The following PLCB1 variants were observed in gnomAD, a reference collection of about 807,000 sequenced individuals.
PLCB1 encodes the protein phospholipase C beta 1, also known as 1-phosphatidylinositol 4,5-bisphosphate phosphodiesterase beta-1.
Under a neutral mutation model 161.8 loss-of-function variants are expected in PLCB1, and 46 were observed. That is an observed-to-expected ratio of 0.28 (90% CI 0.22 to 0.36). The LOEUF (loss-of-function observed/expected upper bound fraction) is 0.36. Ranked by LOEUF, PLCB1 falls within the 10% of genes least tolerant of loss-of-function variation. The probability of loss-of-function intolerance (pLI) is 1.00; values close to 1 mark genes in which losing one functional copy is unlikely to be tolerated. For synonymous variants in PLCB1, 517 were observed against 503.7 expected, an observed-to-expected ratio of 1.03 and a Z score of -0.35; for missense variants, 1,016 against 1,472.5, an observed-to-expected ratio of 0.69 and a Z score of 5.07.
At chr20:8,707,583 A>T (rs1978757364) in intron 11 of PLCB1, among the ~76,000 whole-genome samples, 1 of 152,198 alleles carries the variant, frequency 6.6e-6, no homozygotes, top group African/African-American at 2.4e-5. Flanking sequence ...AGTGAAAAGT[A>T]ATTTGAAATA....
At chr20:8,187,823 GC>G (rs2051922131) in intron 2 of PLCB1, among the ~76,000 whole-genome samples, 1 of 152,116 alleles carries the variant, frequency 6.6e-6, no homozygotes, top group South Asian at 2.1e-4. Flanking sequence ...ATCTATGAGT[GC>G]ATAGGACCAC....
At chr20:8,592,166 T>C (rs1358895486) in intron 3 of PLCB1, among the ~76,000 whole-genome samples, 1 of 152,244 alleles carries the variant, frequency 6.6e-6, no homozygotes, top group Non-Finnish European at 1.5e-5. Context: ...GGCCAATCTT[T>C]GACCACTATC....
intron 3 of PLCB1, among the ~76,000 whole-genome samples, chr20:8,384,648 T>A (rs708924): frequency 0.49 from 73,993 of 151,854 alleles, 18,146 homozygotes; most frequent in South Asian, 0.57. Flanking sequence ...TTCTTTCTCG[T>A]CTTTATGAGT....
chr20:8,614,864 C>T (rs1231704970), intron 3 of PLCB1, among the ~76,000 whole-genome samples: 1 of 151,986 alleles, frequency 6.6e-6, no homozygotes, highest in Non-Finnish European at 1.5e-5. Context: ...AGATGTTCTC[C>T]ACCATGTTTT....
intron 3 of PLCB1, among the ~76,000 whole-genome samples, chr20:8,409,447 A>T (rs974301397): frequency 5.9e-5 from 8 of 135,056 alleles, no homozygotes; most frequent in Admixed American, 2.9e-4. Context: ...TATTATTTTT[A>T]TTATTATTAT....
At chr20:8,647,292 T>C (rs562940373) in intron 5 of PLCB1, among the ~76,000 whole-genome samples, 2 of 152,364 alleles carry the variant, frequency 1.3e-5, no homozygotes, top group African/African-American at 4.8e-5. Flanking sequence ...ACATGTTTTA[T>C]CTGAAACATA....
At chr20:8,282,962 C>T (rs1375865999) in intron 2 of PLCB1, among the ~76,000 whole-genome samples, 4 of 152,082 alleles carry the variant, frequency 2.6e-5, no homozygotes, top group East Asian at 1.9e-4. Context: ...CAAGAGCTGA[C>T]GTGGTTCTCC....
chr20:8,869,022 G>A (rs1223238314), intron 31 of PLCB1, among the ~76,000 whole-genome samples: 4 of 152,158 alleles, frequency 2.6e-5, no homozygotes, highest in Admixed American at 2.0e-4. Context: ...TGATTGATGG[G>A]ATTTGATGAA....
At chr20:8,428,424 T>C (rs1328563274) in intron 3 of PLCB1, among the ~76,000 whole-genome samples, 1 of 152,208 alleles carries the variant, frequency 6.6e-6, no homozygotes, top group Non-Finnish European at 1.5e-5. Flanking sequence ...TTTTGCCATG[T>C]TGGCCAGGCT....
At chr20:8,303,390 C>A (rs1983994724) in intron 2 of PLCB1, among the ~76,000 whole-genome samples, 1 of 152,086 alleles carries the variant, frequency 6.6e-6, no homozygotes, top group Non-Finnish European at 1.5e-5. Context: ...AGGAGTGCCA[C>A]AAAGATGAAT....
At chr20:8,559,283 T>A (rs146072840) in intron 3 of PLCB1, among the ~76,000 whole-genome samples, 17 of 152,044 alleles carry the variant, frequency 1.1e-4, no homozygotes, top group African/African-American at 3.6e-4. Flanking sequence ...AAGTTTAAGA[T>A]GTTAGTTGTA....
chr20:8,554,333 AC>A (rs1379514142), intron 3 of PLCB1, among the ~76,000 whole-genome samples: 5 of 152,214 alleles, frequency 3.3e-5, no homozygotes, highest in Admixed American at 3.3e-4. Flanking sequence ...ATTCATAAAA[AC>A]CCCAAACTGG....
At chr20:8,541,147 A>G (rs1250031206) in intron 3 of PLCB1, among the ~76,000 whole-genome samples, 1 of 152,164 alleles carries the variant, frequency 6.6e-6, no homozygotes, top group East Asian at 1.9e-4. Flanking sequence ...ACTGCTTAAG[A>G]GCTGTATGAG....
chr20:8,705,230 A>T lies in PLCB1; in HGVS notation c.1168-3440A>T, dbSNP rs1173243847. On this transcript the variant is annotated intron_variant, in intron 11 of 31. Coordinates refer to ENST00000338037, the MANE Select transcript of PLCB1 (RefSeq NM_015192.4). ...TTGAACAGTTGCCATAGAAATAGAA[A>T]CTATATGGCCAGCAAAGCCTAAAAT... is the stretch of plus-strand genomic sequence containing the variant. 2.6e-5 allele frequency among the ~76,000 whole-genome samples: 4 copies of T among 152,234 alleles called. No individual in the cohort carries two copies. The East Asian group carries it at 7.7e-4, about 29-fold the overall frequency.
chr20:8,198,951 G>GACAGAC (rs764658814), intron 2 of PLCB1, among the ~76,000 whole-genome samples: 91 of 149,452 alleles, frequency 6.1e-4, no homozygotes, highest in Non-Finnish European at 5.2e-4. Context: ...CAGACAGACA[G>GACAGAC]ACACACACAC....
At chr20:8,878,446 G>T (rs3848839) in intron 31 of PLCB1, among the ~76,000 whole-genome samples, 57,028 of 152,060 alleles carry the variant, frequency 0.38, 11,025 homozygotes, top group South Asian at 0.58. Context: ...AGCAGGGAAA[G>T]AACTGGCAAT....
chr20:8,632,024 GGTTTTTTTTGCT>G (rs751299314), intron 4 of PLCB1, among the ~76,000 whole-genome samples: 5 of 91,808 alleles, frequency 5.4e-5, no homozygotes, highest in African/African-American at 1.8e-4. Context: ...GACAAATATG[GGTTTTTTTTGCT>G]TTTTTTTTTT....
chr20:8,203,982 C>A (rs939337499), intron 2 of PLCB1, among the ~76,000 whole-genome samples: 1 of 152,146 alleles, frequency 6.6e-6, no homozygotes, highest in African/African-American at 2.4e-5. Context: ...CCTCTTGGTG[C>A]CTTCTGGGGT....
At chr20:8,705,112 C>T (rs1038044348) in intron 11 of PLCB1, among the ~76,000 whole-genome samples, 1 of 151,630 alleles carries the variant, frequency 6.6e-6, no homozygotes, top group Non-Finnish European at 1.5e-5. Flanking sequence ...CTCACAGAGA[C>T]ACCCAGAAGA....
Sources: allele counts gnomAD v4.1 joint callset (sites outside exome capture counted in the v4.1 genomes callset), GRCh38; gene constraint gnomAD v4.1.1; transcripts MANE v1.5; gene names NCBI Gene and HGNC (gene_info 2026-07-23, HGNC 2026-07-21).